The following SYN3 variants were observed in gnomAD, a reference collection of about 807,000 sequenced individuals.
The protein encoded by SYN3 is synapsin-3.
Under a neutral mutation model 65.8 loss-of-function variants are expected in SYN3, and 35 were observed. That is an observed-to-expected ratio of 0.53 (90% CI 0.41 to 0.70). The LOEUF (loss-of-function observed/expected upper bound fraction) is 0.70, where lower values mean the gene tolerates loss of function less well. Among genes scored for constraint, SYN3 ranks in the 30% least tolerant of loss-of-function variants. The pLI is 0.00. For missense variants in SYN3, 680 were observed against 749.0 expected, an observed-to-expected ratio of 0.91 and a Z score of 1.08; for synonymous variants, 270 against 292.9, an observed-to-expected ratio of 0.92 and a Z score of 0.80.
intron 4 of SYN3, among the ~76,000 whole-genome samples, chr22:32,882,281 G>A (rs2049163360): frequency 6.6e-6 from 1 of 152,144 alleles, no homozygotes; most frequent in Non-Finnish European, 1.5e-5. Flanking sequence ...CTGTCCCTAT[G>A]TTCTAACATG....
chr22:32,995,189 G>A (rs2052842881), intron 2 of SYN3, among the ~76,000 whole-genome samples: 1 of 152,170 alleles, frequency 6.6e-6, no homozygotes, highest in Non-Finnish European at 1.5e-5. Flanking sequence ...TCAATAGGGG[G>A]ATCTGGTTTG....
intron 2 of SYN3, among the ~76,000 whole-genome samples, chr22:32,990,305 C>CATCCATGA (rs1425618313): frequency 0.012 from 1,103 of 93,436 alleles, 5 homozygotes; most frequent in African/African-American, 0.015. Flanking sequence ...TCCATGAATC[C>CATCCATGA]ATCCATCCAT....
chr22:33,002,114 T>C (rs1044355183), intron 2 of SYN3, among the ~76,000 whole-genome samples: 4 of 152,184 alleles, frequency 2.6e-5, no homozygotes, highest in African/African-American at 9.6e-5. Context: ...GCTCAGAGCC[T>C]AATAGTGATG....
At chr22:33,047,863 CAAAAAAAAAAAA>C (rs58025351) in intron 1 of SYN3, among the ~76,000 whole-genome samples, 65 of 53,572 alleles carry the variant, frequency 1.2e-3, no homozygotes, top group African/African-American at 3.2e-3. Flanking sequence ...TTTTCATGTG[CAAAAAAAAAAAA>C]AAAAAAAAAA....
chr22:32,731,589 T>G (rs1168294201), intron 6 of SYN3, among the ~76,000 whole-genome samples: 1 of 152,162 alleles, frequency 6.6e-6, no homozygotes, highest in Admixed American at 6.5e-5. Context: ...GTGAGGTAAC[T>G]ACCAAGGCTG....
chr22:32,918,273 G>A (rs947080801), intron 4 of SYN3, among the ~76,000 whole-genome samples: 2 of 152,208 alleles, frequency 1.3e-5, no homozygotes, highest in Non-Finnish European at 2.9e-5. Flanking sequence ...TCCAGGGGGA[G>A]ACGGGGGAAG....
At position 32,508,518 on chromosome 22, in the gene SYN3, A is replaced by T. The variant is rs12166227; in HGVS notation, c.*5174T>A. Among the ~76,000 whole-genome samples the T allele has an allele frequency of 6.6e-6, 1 of 151,876 alleles. No individual in the cohort carries two copies. The highest frequency in any genetic ancestry group is 2.4e-5 in the African/African-American group (1 of 41,270). On this transcript the variant is annotated 3_prime_UTR_variant, in exon 14 of 14. Transcript: ENST00000358763. ...CGCGCATGAAAGGGGCCCCAAGGAG[A>T]GGTCTCATGTTCTCATTCTGCCTCC...
intron 10 of SYN3, among the ~76,000 whole-genome samples, chr22:32,532,411 C>A (rs1221871401): frequency 6.6e-6 from 1 of 152,296 alleles, no homozygotes; most frequent in South Asian, 2.1e-4. Flanking sequence ...TTCCCAGCCC[C>A]TTCCATGGCT....
chr22:33,029,197 C>T (rs1490027992), intron 1 of SYN3, among the ~76,000 whole-genome samples: 2 of 146,870 alleles, frequency 1.4e-5, no homozygotes, highest in Admixed American at 1.4e-4. Flanking sequence ...TTTTAAGAGA[C>T]GGGGTCTCAC....
chr22:32,754,939 G>A (rs888488162), intron 6 of SYN3, among the ~76,000 whole-genome samples: 5 of 152,176 alleles, frequency 3.3e-5, no homozygotes, highest in Non-Finnish European at 5.9e-5. Flanking sequence ...AGAGAAGGAG[G>A]TGGAAACTCC....
intron 6 of SYN3, among the ~76,000 whole-genome samples, chr22:32,702,274 G>A (rs1280519656): frequency 6.6e-6 from 1 of 152,232 alleles, no homozygotes; most frequent in South Asian, 2.1e-4. Flanking sequence ...TCAGGAGATC[G>A]AGACCATCCT....
chr22:32,732,656 C>A (rs1162894731), intron 6 of SYN3, among the ~76,000 whole-genome samples: 1 of 152,174 alleles, frequency 6.6e-6, no homozygotes, highest in Non-Finnish European at 1.5e-5. Flanking sequence ...GTCTACATAT[C>A]CTATGAGGTA....
At position 32,510,987 on chromosome 22, in the gene SYN3, G is replaced by A. The variant is rs1483589015; in HGVS notation, c.*2705C>T. On this transcript the variant is annotated 3_prime_UTR_variant, in exon 14 of 14. Transcript: ENST00000358763. ...CAATTCCAAGTTATTGTCCAGGCGT[G>A]TGTGTGTGTGTGTGTGTGTGTGTGT... Among the ~76,000 whole-genome samples, 1 of 129,952 alleles carries A rather than the reference G, an allele frequency of 7.7e-6. No homozygotes were observed. Among genetic ancestry groups the A allele is most frequent in the African/African-American group, 3.0e-5 (1 of 33,358 alleles). The allele number at this position is 129,952 out of a possible 152,430, so 85.3% of individuals were successfully genotyped here. A position where few individuals can be genotyped will look rare whatever the true frequency, so the allele number is the denominator to read the frequency against.
intron 12 of SYN3, among the ~76,000 whole-genome samples, chr22:32,524,708 A>G (rs912416128): frequency 5.9e-5 from 9 of 152,190 alleles, no homozygotes; most frequent in African/African-American, 2.2e-4. Flanking sequence ...CTGAGGTCAT[A>G]TTATTTTAAA....
chr22:33,018,047 G>T (rs1394551321), intron 1 of SYN3, among the ~76,000 whole-genome samples: 1 of 152,184 alleles, frequency 6.6e-6, no homozygotes, highest in Non-Finnish European at 1.5e-5. Context: ...AATCAATTTT[G>T]ATTTGAAGCC....
chr22:32,538,810 T>G (rs2058206556), intron 8 of SYN3, among the ~76,000 whole-genome samples: 1 of 152,158 alleles, frequency 6.6e-6, no homozygotes, highest in Non-Finnish European at 1.5e-5. Flanking sequence ...CGCCCTACAC[T>G]AATGCTCAGT....
intron 6 of SYN3, among the ~76,000 whole-genome samples, chr22:32,623,092 C>T (rs576697774): frequency 2.6e-5 from 4 of 152,068 alleles, no homozygotes; most frequent in South Asian, 4.2e-4. Flanking sequence ...AGGGATCAGA[C>T]TTTAATGGAA....
chr22:33,010,233 A>C (rs953471341), intron 1 of SYN3, among the ~76,000 whole-genome samples: 46 of 84,130 alleles, frequency 5.5e-4, no homozygotes, highest in South Asian at 2.2e-3. Context: ...ACTCTGTCCC[A>C]AAAAAAAAAA....
chr22:33,040,315 G>A (rs1273747451), intron 1 of SYN3, among the ~76,000 whole-genome samples: 1 of 152,030 alleles, frequency 6.6e-6, no homozygotes, highest in Non-Finnish European at 1.5e-5. Flanking sequence ...CCATAACAGA[G>A]AAAATGAGTT....
Sources: gnomAD v4.1 joint callset for allele counts (sites outside exome capture counted in the v4.1 genomes callset) on GRCh38, gnomAD v4.1.1 for gene constraint, MANE v1.5 for transcripts, NCBI Gene and HGNC (gene_info 2026-07-23, HGNC 2026-07-21) for gene names.